The following ITGA1 variants were observed in gnomAD, a reference collection of about 807,000 sequenced individuals.
The protein encoded by ITGA1 is integrin subunit alpha 1, also known as integrin alpha-1.
Under a neutral mutation model 145.9 loss-of-function variants are expected in ITGA1, and 85 were observed. The observed-to-expected ratio is 0.58, with a 90% confidence interval of 0.49 to 0.70. The LOEUF (loss-of-function observed/expected upper bound fraction) is 0.70, where lower values mean the gene tolerates loss of function less well. Among genes scored for constraint, ITGA1 ranks in the 30% least tolerant of loss-of-function variants. ITGA1 has a pLI of 0.00. For synonymous variants in ITGA1, 520 were observed against 495.3 expected, an observed-to-expected ratio of 1.05 and a Z score of -0.66; for missense variants, 1,351 against 1,418.7, an observed-to-expected ratio of 0.95 and a Z score of 0.77.
At chr5:52,864,337 G>T (rs941506357) in intron 3 of ITGA1, among the ~76,000 whole-genome samples, 10 of 152,164 alleles carry the variant, frequency 6.6e-5, no homozygotes, top group African/African-American at 2.4e-4. Flanking sequence ...AAAAACTGGT[G>T]TTTGAGTTTT....
chr5:52,906,915 G>C (rs1218222837), intron 12 of ITGA1, among the ~76,000 whole-genome samples: 1 of 152,206 alleles, frequency 6.6e-6, no homozygotes, highest in East Asian at 1.9e-4. Context: ...ATGCCCTGCA[G>C]GAGCAGTATC....
At chr5:52,834,110 G>A (rs1749118692) in intron 1 of ITGA1, among the ~76,000 whole-genome samples, 2 of 152,150 alleles carry the variant, frequency 1.3e-5, no homozygotes, top group East Asian at 1.9e-4. Context: ...TCCTGGTGTG[G>A]TGGCTCTATT....
chr5:52,860,522 G>T (rs1447561282), intron 2 of ITGA1, among the ~76,000 whole-genome samples: 2 of 152,082 alleles, frequency 1.3e-5, no homozygotes, highest in African/African-American at 4.8e-5. Context: ...CTCCAGTCTG[G>T]CAACAGAGCG....
intron 1 of ITGA1, among the ~76,000 whole-genome samples, chr5:52,847,471 A>G (rs1371858630): frequency 6.6e-6 from 1 of 152,176 alleles, no homozygotes; most frequent in Non-Finnish European, 1.5e-5. Flanking sequence ...AACAAAGAAG[A>G]CTGAATTTAG....
chr5:52,908,763 A>G (rs1750450065), intron 12 of ITGA1, 135 bp from the exon 13 acceptor site: 1 of 865,200 alleles, frequency 1.2e-6, no homozygotes, highest in Non-Finnish European at 1.8e-6. Flanking sequence ...TTCAGGGAGC[A>G]TCAATTTTTA....
At chr5:52,861,687 C>G in intron 3 of ITGA1, 128 bp downstream of exon 3, 1 of 626,464 alleles carries the variant, frequency 1.6e-6, no homozygotes, top group South Asian at 1.9e-5. Context: ...CCTGGGCAAC[C>G]TGACGAAACC....
rs757655898 is a variant in ITGA1 at position 52,788,327 on chromosome 5, C to T, written c.-27C>T. The T allele has an allele frequency of 1.5e-4, 219 of 1,485,916 alleles. No individual in the cohort carries two copies. The highest frequency in any genetic ancestry group is 1.8e-4 in the Non-Finnish European group (204 of 1,122,774). The allele number at this position is 1,485,916 out of a possible 1,614,324, so 92.0% of individuals were successfully genotyped here. A position where few individuals can be genotyped will look rare whatever the true frequency, so the allele number is the denominator to read the frequency against. On this transcript the variant is annotated 5_prime_UTR_variant, in exon 1 of 29. Transcript: ENST00000282588. ...GGTCCTGCCCTGCGAACCAGCGCGG[C>T]CCCCTGGCGCTGAGGCTGCTCCGGC...
At chr5:52,934,818 TAGAGTATA>T (rs1750941939) in intron 23 of ITGA1, among the ~76,000 whole-genome samples, 1 of 152,000 alleles carries the variant, frequency 6.6e-6, no homozygotes, top group Non-Finnish European at 1.5e-5. Flanking sequence ...AGTTCTCTCA[TAGAGTATA>T]AATAAACGTA....
intron 1 of ITGA1, among the ~76,000 whole-genome samples, chr5:52,796,225 G>C (rs1445344389): frequency 6.6e-6 from 1 of 151,818 alleles, no homozygotes; most frequent in Non-Finnish European, 1.5e-5. Context: ...TACAATCCAG[G>C]ATGCTTGACT....
intron 24 of ITGA1, among the ~76,000 whole-genome samples, chr5:52,938,234 T>C (rs1002001911): frequency 6.6e-6 from 1 of 152,196 alleles, no homozygotes; most frequent in Non-Finnish European, 1.5e-5. Flanking sequence ...TACCTAAGCA[T>C]GCACAGCTGC....
intron 5 of ITGA1, among the ~76,000 whole-genome samples, chr5:52,865,396 A>G (rs1250910193): frequency 6.6e-6 from 1 of 152,244 alleles, no homozygotes; most frequent in East Asian, 1.9e-4. Context: ...AAACTGTTTT[A>G]TAAAAACTTA....
At chr5:52,828,525 G>A (rs1389365536) in intron 1 of ITGA1, among the ~76,000 whole-genome samples, 2 of 151,950 alleles carry the variant, frequency 1.3e-5, no homozygotes, top group African/African-American at 4.8e-5. Flanking sequence ...TTGTTGAGTT[G>A]CTTCTTATTT....
chr5:52,861,555 A>C lies in ITGA1; in HGVS notation c.291A>C (p.Leu97=). 2 of 1,591,982 alleles carry C rather than the reference A, an allele frequency of 1.3e-6. No homozygotes were observed. Among genetic ancestry groups the C allele is most frequent in the Non-Finnish European group, 1.7e-6 (2 of 1,160,052 alleles). Residue 97 remains leucine, a synonymous_variant, in exon 3 of 29, where the codon CTA becomes CTC. Transcript: ENST00000282588. The part of the protein sequence containing the change: ...GESLPCVKLD[L]PVNTSIPNVT... ...CATTACCTTGTGTAAAGTTGGATCT[A>C]CCAGGTATGTAAAATTAAAAAAATC...
At chr5:52,943,798 C>A (rs1378258773) in intron 26 of ITGA1, among the ~76,000 whole-genome samples, 5 of 152,160 alleles carry the variant, frequency 3.3e-5, no homozygotes, top group Non-Finnish European at 7.3e-5. Flanking sequence ...ACTTGAGTGC[C>A]AGCCATAGAT....
At position 52,915,489 on chromosome 5, in the gene ITGA1, A is replaced by G; in HGVS notation, c.1883A>G (p.Lys628Arg). Residue 628 changes from lysine to arginine, a missense_variant, in exon 15 of 29, where the codon AAG (lysine) becomes AGG (arginine). Coordinates refer to ENST00000282588, the MANE Select transcript of ITGA1 (RefSeq NM_181501.2). ...AQRIPSGGDG[K>R]TLKFFGQSIH... ...CGTATTCCATCAGGTGGGGATGGTA[A>G]GACACTGAAATTTTTTGGCCAGTCT... The G allele has an allele frequency of 3.7e-6, 6 of 1,614,102 alleles. No individual in the cohort carries two copies. Among genetic ancestry groups the G allele is most frequent in the South Asian group, 1.1e-5 (1 of 91,080 alleles).
chr5:52,883,993 T>A (rs2456202), intron 7 of ITGA1, among the ~76,000 whole-genome samples: 30,072 of 152,210 alleles, frequency 0.2, 3,131 homozygotes, highest in South Asian at 0.28. Flanking sequence ...CATTCAATTC[T>A]TTTGTAACCC....
intron 1 of ITGA1, among the ~76,000 whole-genome samples, chr5:52,808,863 AAC>A: frequency 6.6e-6 from 1 of 152,176 alleles, no homozygotes; most frequent in South Asian, 2.1e-4. Context: ...AACTTGCTCA[AAC>A]ACAATAGGAG....
rs751204828 is a variant in ITGA1 at position 52,933,983 on chromosome 5, A to G, written c.2951A>G (p.Asn984Ser). 11 of 1,432,786 alleles carry G rather than the reference A, an allele frequency of 7.7e-6. No homozygotes were observed. Among genetic ancestry groups the G allele is most frequent in the South Asian group, 1.5e-5 (1 of 67,008 alleles). The allele number at this position is 1,432,786 out of a possible 1,614,324, so 88.8% of individuals were successfully genotyped here. A position where few individuals can be genotyped will look rare whatever the true frequency, so the allele number is the denominator to read the frequency against. Residue 984 changes from asparagine (N) to serine (S), a missense_variant, in exon 23 of 29, where the codon AAT becomes AGT. Transcript: ENST00000282588. ...NSTEDIGNEI[N>S]IFYLIRKSGS... ...ACTGAGGACATTGGAAATGAAATTA[A>G]TATCTTCTACTTGGTAAGAAATTAC...
At chr5:52,820,220 G>C (rs1203587279) in intron 1 of ITGA1, among the ~76,000 whole-genome samples, 3 of 151,782 alleles carry the variant, frequency 2.0e-5, no homozygotes, top group African/African-American at 7.3e-5. Context: ...CATGTCCTTT[G>C]TAGGGACATG....
Sources: allele counts gnomAD v4.1 joint callset (sites outside exome capture counted in the v4.1 genomes callset), GRCh38; gene constraint gnomAD v4.1.1; transcripts MANE v1.5; gene names NCBI Gene and HGNC (gene_info 2026-07-23, HGNC 2026-07-21).